MACROD2: variants seen among roughly 807,000 people sequenced by gnomAD.
The protein encoded by MACROD2 is mono-ADP ribosylhydrolase 2.
MACROD2 carries 36 observed loss-of-function variants against 70.4 expected under a neutral mutation model. The ratio of observed to expected loss-of-function variants is 0.51; its 90% CI spans 0.39 to 0.68. The LOEUF (loss-of-function observed/expected upper bound fraction) is 0.68, where lower values mean the gene tolerates loss of function less well. MACROD2 is among the 30% of genes least tolerant of loss of function. The pLI, the probability that MACROD2 is intolerant of heterozygous loss-of-function variation, is 0.00. For missense variants in MACROD2, 496 were observed against 538.4 expected (o/e 0.92, Z 0.78); for synonymous variants, 172 against 178.8 (o/e 0.96, Z 0.30).
intron 4 of MACROD2, among the ~76,000 whole-genome samples, chr20:14,621,068 C>T (rs1009814653): frequency 7.2e-5 from 11 of 152,126 alleles, no homozygotes; most frequent in African/African-American, 2.6e-4. Flanking sequence ...GCTGTGTGAC[C>T]TTGGGCAAGG....
At chr20:14,552,773 A>AAAAGGT (rs1489045881) in intron 4 of MACROD2, among the ~76,000 whole-genome samples, 2 of 152,134 alleles carry the variant, frequency 1.3e-5, no homozygotes, top group Non-Finnish European at 1.5e-5. Flanking sequence ...CTAAACATAG[A>AAAAGGT]AAAGGTACAG....
At chr20:14,763,269 T>G (rs1021126680) in intron 5 of MACROD2, among the ~76,000 whole-genome samples, 1 of 152,096 alleles carries the variant, frequency 6.6e-6, no homozygotes, top group South Asian at 2.1e-4. Flanking sequence ...ACATACAGTA[T>G]GCAAAAAAAC....
chr20:14,918,793 A>G (rs1300849373), intron 5 of MACROD2, among the ~76,000 whole-genome samples: 1 of 152,014 alleles, frequency 6.6e-6, no homozygotes, highest in Admixed American at 6.6e-5. Context: ...ATTTGTCAAA[A>G]TCTTTTTATA....
At chr20:15,825,517 G>T (rs1456902761) in intron 8 of MACROD2, among the ~76,000 whole-genome samples, 2 of 149,536 alleles carry the variant, frequency 1.3e-5, no homozygotes, top group African/African-American at 4.9e-5. Context: ...TTTTTTTTTC[G>T]AGACAGAGCC....
chr20:15,862,850 T>C, intron 9 of MACROD2, 24 bp downstream of exon 9: 2 of 1,554,418 alleles, frequency 1.3e-6, no homozygotes, highest in Non-Finnish European at 1.8e-6. Context: ...CTTCTTGTTT[T>C]CTTTCAAATT....
At chr20:15,302,620 T>A (rs2077658008) in intron 6 of MACROD2, among the ~76,000 whole-genome samples, 1 of 152,220 alleles carries the variant, frequency 6.6e-6, no homozygotes, top group African/African-American at 2.4e-5. Flanking sequence ...GGTTGGTGAT[T>A]TCATCTTATG....
At chr20:15,197,536 C>A (rs1243649987) in intron 5 of MACROD2, among the ~76,000 whole-genome samples, 1 of 152,180 alleles carries the variant, frequency 6.6e-6, no homozygotes, top group Non-Finnish European at 1.5e-5. Flanking sequence ...ACCCACTAGA[C>A]AATTGAATCT....
At chr20:15,876,673 C>T (rs962383272) in intron 9 of MACROD2, among the ~76,000 whole-genome samples, 2 of 152,064 alleles carry the variant, frequency 1.3e-5, no homozygotes, top group South Asian at 2.1e-4. Flanking sequence ...GTTCTAGATC[C>T]CTGAGGAGTC....
Position 15,656,507 on chromosome 20 carries a change from A to T in MACROD2, c.645+156660A>T, listed in dbSNP as rs374472895. Among the ~76,000 whole-genome samples the T allele has an allele frequency of 3.1e-4, 47 of 152,326 alleles. No individual in the cohort carries two copies. In the South Asian group the frequency reaches 8.9e-3, roughly 29 times the overall value. On this transcript the variant is annotated intron_variant, in intron 8 of 17. Coordinates refer to ENST00000684519, the MANE Select transcript of MACROD2 (RefSeq NM_001351661.2). ...TTGTATATTGCTTTTCTAGGGCCTA[A>T]TGGCTGAGCCCTATCTCTGAATATT...
intron 5 of MACROD2, among the ~76,000 whole-genome samples, chr20:15,145,362 C>T (rs1265108234): frequency 6.6e-6 from 1 of 151,876 alleles, no homozygotes; most frequent in Non-Finnish European, 1.5e-5. Flanking sequence ...AAATGAATTA[C>T]TCTATTTTTT....
intron 5 of MACROD2, among the ~76,000 whole-genome samples, chr20:14,837,523 G>A (rs1238285584): frequency 6.6e-6 from 1 of 151,942 alleles, no homozygotes; most frequent in Non-Finnish European, 1.5e-5. Flanking sequence ...GCGTTTCTTT[G>A]TAAATGTCTG....
At position 16,051,181 on chromosome 20, in the gene MACROD2, C is replaced by A. The variant is rs1329661456; in HGVS notation, c.*1305C>A. 2.0e-5 allele frequency: 3 copies of A among 152,210 alleles called. No individual in the cohort carries two copies. The highest frequency in any genetic ancestry group is 4.8e-5 in the African/African-American group (2 of 41,450). The allele number at this position is 152,210 out of a possible 1,614,324, so 9.4% of individuals were successfully genotyped here. On this transcript the variant is annotated 3_prime_UTR_variant, in exon 18 of 18. Transcript: ENST00000684519. ...GTCATTGTTTTCAGTGGAAACATAT[C>A]GTTTGTTGCATATCTTCTTAAATCC... is the stretch of plus-strand genomic sequence containing the variant.
At chr20:14,211,187 A>G (rs932616100) in intron 3 of MACROD2, among the ~76,000 whole-genome samples, 2 of 152,208 alleles carry the variant, frequency 1.3e-5, no homozygotes, top group African/African-American at 4.8e-5. Context: ...AAGAGTGGTT[A>G]GCAATTGAGG....
chr20:15,212,683 T>A (rs2076774710), intron 5 of MACROD2, among the ~76,000 whole-genome samples: 1 of 152,176 alleles, frequency 6.6e-6, no homozygotes, highest in African/African-American at 2.4e-5. Context: ...GTCAGAGTCT[T>A]GGGTGCCAAG....
intron 8 of MACROD2, among the ~76,000 whole-genome samples, chr20:15,775,359 G>C (rs1196117853): frequency 6.6e-6 from 1 of 152,046 alleles, no homozygotes; most frequent in African/African-American, 2.4e-5. Context: ...ACCATTCCAT[G>C]GTCAGTGTTC....
chr20:14,160,880 T>G (rs373476933), intron 3 of MACROD2, among the ~76,000 whole-genome samples: 1 of 152,204 alleles, frequency 6.6e-6, no homozygotes, highest in East Asian at 1.9e-4. Context: ...TGTGTGCAGG[T>G]TTCTTATGTG....
At chr20:15,948,050 T>C (rs1445930572) in intron 12 of MACROD2, among the ~76,000 whole-genome samples, 2 of 151,944 alleles carry the variant, frequency 1.3e-5, no homozygotes, top group Non-Finnish European at 2.9e-5. Context: ...CCAACAGCAC[T>C]TGGGTTTTCC....
intron 3 of MACROD2, among the ~76,000 whole-genome samples, chr20:14,362,910 A>G (rs2083236342): frequency 6.6e-6 from 1 of 152,194 alleles, no homozygotes; most frequent in African/African-American, 2.4e-5. Flanking sequence ...AATTTTTTAA[A>G]CATATAAGTA....
intron 3 of MACROD2, among the ~76,000 whole-genome samples, chr20:14,415,780 G>A (rs2083797186): frequency 6.6e-6 from 1 of 152,124 alleles, no homozygotes; most frequent in South Asian, 2.1e-4. Context: ...CAGGTGTAAG[G>A]CACGTGGTCT....
Sources: gnomAD v4.1 joint callset for allele counts (sites outside exome capture counted in the v4.1 genomes callset) on GRCh38, gnomAD v4.1.1 for gene constraint, MANE v1.5 for transcripts, NCBI Gene and HGNC (gene_info 2026-07-23, HGNC 2026-07-21) for gene names.